The following AZIN1 variants were observed in gnomAD, a reference collection of about 807,000 sequenced individuals.
The protein encoded by AZIN1 is ornithine decarboxylase antizyme inhibitor.
In AZIN1, 12 loss-of-function variants were observed where a neutral mutation model predicts 47.4. That is an observed-to-expected ratio of 0.25 (90% confidence interval 0.16 to 0.41). AZIN1 has a LOEUF of 0.41. Ranked by LOEUF, AZIN1 falls within the 10% of genes least tolerant of loss-of-function variation. The pLI is 1.00. For missense variants in AZIN1, 410 were observed against 532.4 expected, an observed-to-expected ratio of 0.77 and a Z score of 2.26; for synonymous variants, 155 against 176.3, an observed-to-expected ratio of 0.88 and a Z score of 0.96.
rs778549697 is a variant in AZIN1 at position 102,839,636 on chromosome 8, T to G, written c.276+14A>C. On this transcript the variant is annotated intron_variant, in intron 4 of 11. Transcript: ENST00000337198. ...TCAATGTTTCAGTTTAGTTAAAAAA[T>G]GAAAAATACTTACTTTACTGGAACA... 2 of 1,511,642 alleles carry G rather than the reference T, an allele frequency of 1.3e-6. No homozygotes were observed. Among genetic ancestry groups the G allele is most frequent in the South Asian group, 1.3e-5 (1 of 74,436 alleles). 93.6% of individuals were successfully genotyped at this position (1,511,642 alleles called of 1,614,324 possible). A position where few individuals can be genotyped will look rare whatever the true frequency, so the allele number is the denominator to read the frequency against.
intron 8 of AZIN1, 42 bp downstream of exon 8, chr8:102,834,147 G>A (rs1160828295): frequency 6.5e-7 from 1 of 1,529,294 alleles, no homozygotes; most frequent in Non-Finnish European, 9.0e-7. Flanking sequence ...AAGTAACAAA[G>A]AAAGCAATTA....
At chr8:102,853,806 AC>A (rs1441337526) in intron 2 of AZIN1, among the ~76,000 whole-genome samples, 2 of 150,508 alleles carry the variant, frequency 1.3e-5, no homozygotes, top group Non-Finnish European at 3.0e-5. Context: ...ATGTTCTGTT[AC>A]ATTTGCTCAT....
At chr8:102,852,015 T>G (rs946913630) in intron 2 of AZIN1, among the ~76,000 whole-genome samples, 1 of 152,236 alleles carries the variant, frequency 6.6e-6, no homozygotes, top group African/African-American at 2.4e-5. Context: ...CTTTTATTTA[T>G]CTGAAGGAGC....
chr8:102,860,083 A>C (rs1813535098), intron 1 of AZIN1, among the ~76,000 whole-genome samples: 1 of 152,232 alleles, frequency 6.6e-6, no homozygotes, highest in African/African-American at 2.4e-5. Flanking sequence ...CAGTTAGGAT[A>C]AAAAAGCATG....
intron 10 of AZIN1, 104 bp from the exon 11 acceptor site, chr8:102,829,590 GA>G (rs35563933): frequency 7.0e-6 from 8 of 1,139,858 alleles, no homozygotes; most frequent in Non-Finnish European, 8.8e-6. Context: ...TGTGCTCATG[GA>G]AAAAAGGCCT....
At chr8:102,842,869 T>G (rs1274159068) in intron 3 of AZIN1, among the ~76,000 whole-genome samples, 1 of 151,836 alleles carries the variant, frequency 6.6e-6, no homozygotes, top group Non-Finnish European at 1.5e-5. Context: ...ATCGTGCCAC[T>G]GAACTCCAGC....
intron 8 of AZIN1, 60 bp downstream of exon 8, chr8:102,834,129 C>T (rs1811660123): frequency 3.6e-6 from 5 of 1,371,050 alleles, no homozygotes; most frequent in African/African-American, 2.9e-5. Context: ...TCTACACATC[C>T]ACCACTTAAG....
chr8:102,840,704 A>T (rs896129422), intron 3 of AZIN1, among the ~76,000 whole-genome samples: 3 of 152,252 alleles, frequency 2.0e-5, no homozygotes, highest in African/African-American at 4.8e-5. Context: ...AGTGTTAGAT[A>T]GCAGGCAAAA....
intron 1 of AZIN1, among the ~76,000 whole-genome samples, chr8:102,862,526 C>T (rs1250419922): frequency 6.6e-6 from 1 of 152,170 alleles, no homozygotes; most frequent in East Asian, 1.9e-4. Flanking sequence ...AGCATCTGCA[C>T]GCTCTCGTAT....
chr8:102,860,501 G>A (rs1374408148), intron 1 of AZIN1, among the ~76,000 whole-genome samples: 3 of 151,960 alleles, frequency 2.0e-5, no homozygotes, highest in South Asian at 2.1e-4. Flanking sequence ...CTGACCTTGC[G>A]ATCCACCCAC....
chr8:102,832,722 C>A (rs921840102), intron 9 of AZIN1, among the ~76,000 whole-genome samples: 1 of 151,922 alleles, frequency 6.6e-6, no homozygotes, highest in Non-Finnish European at 1.5e-5. Flanking sequence ...CTCACTGCAA[C>A]CTCTGCCTCC....
intron 2 of AZIN1, among the ~76,000 whole-genome samples, chr8:102,857,558 C>T (rs1404020176): frequency 6.6e-6 from 1 of 151,940 alleles, no homozygotes; most frequent in Non-Finnish European, 1.5e-5. Context: ...TAATACCATA[C>T]ATATATTTTA....
chr8:102,845,140 C>G (rs888203106), intron 2 of AZIN1, among the ~76,000 whole-genome samples: 1 of 152,050 alleles, frequency 6.6e-6, no homozygotes. Context: ...CCACCACCCC[C>G]CTCCACCCTC....
At chr8:102,850,914 G>A (rs959950209) in intron 2 of AZIN1, among the ~76,000 whole-genome samples, 6 of 152,200 alleles carry the variant, frequency 3.9e-5, no homozygotes, top group East Asian at 3.8e-4. Context: ...TAAGTTTGAA[G>A]TGCCTGTGTA....
intron 3 of AZIN1, among the ~76,000 whole-genome samples, chr8:102,841,194 CAAAG>C (rs1712183340): frequency 6.6e-6 from 1 of 152,046 alleles, no homozygotes; most frequent in Non-Finnish European, 1.5e-5. Context: ...ATGACATGTG[CAAAG>C]ACGGATAGAT....
rs749864332 is a variant in AZIN1 at position 102,833,195 on chromosome 8, C to G, written c.765G>C (p.Leu255=). ...LEEVNHVISP[L]LDIYFPEGSG... is the part of the protein sequence containing the mutation. ...ATCCTTCAGGAAAGTAGATATCCAACAGAGGGCTGATAACATGATTAACCT... is the reference window on the plus strand; with the variant it reads ...ATCCTTCAGGAAAGTAGATATCCAAGAGAGGGCTGATAACATGATTAACCT... The change falls in exon 9 of 12, where the codon CTG becomes CTC. Residue 255 remains leucine, a synonymous_variant. Transcript: ENST00000337198. The G allele has an allele frequency of 1.2e-6, 2 of 1,613,424 alleles. No individual in the cohort carries two copies. The highest frequency in any genetic ancestry group is 1.7e-6 in the Non-Finnish European group (2 of 1,179,720).
intron 2 of AZIN1, 108 bp downstream of exon 2, chr8:102,857,905 C>T: frequency 2.5e-6 from 1 of 396,928 alleles, no homozygotes; most frequent in Non-Finnish European, 4.4e-6. Context: ...AGTCACTGCA[C>T]TTTAAGAGGT....
chr8:102,856,108 T>TTC (rs1554584017), intron 2 of AZIN1: 3 of 150,556 alleles, frequency 2.0e-5, no homozygotes, highest in Non-Finnish European at 4.4e-5. Context: ...TTTTTTTTTT[T>TTC]CCCAAATCAG....
chr8:102,842,201 C>T (rs1041842840), intron 3 of AZIN1, among the ~76,000 whole-genome samples: 5 of 152,088 alleles, frequency 3.3e-5, no homozygotes, highest in Admixed American at 6.5e-5. Context: ...AGAGTAAGTA[C>T]TCAGGATAAA....
Sources: allele counts gnomAD v4.1 joint callset (sites outside exome capture counted in the v4.1 genomes callset), GRCh38; gene constraint gnomAD v4.1.1; transcripts MANE v1.5; gene names NCBI Gene and HGNC (gene_info 2026-07-23, HGNC 2026-07-21).